Variants in SIRT4 observed in about 807,000 individuals in gnomAD.
The protein encoded by SIRT4 is sirtuin 4, also known as NAD-dependent protein lipoamidase sirtuin-4, mitochondrial.
A neutral mutation model predicts 26.1 loss-of-function variants in SIRT4; 23 were observed. The ratio of observed to expected loss-of-function variants is 0.88; its 90% confidence interval spans 0.63 to 1.25. SIRT4 has a LOEUF of 1.25. SIRT4 is among the 50% of genes most tolerant of loss of function. The pLI is 0.00. For synonymous variants in SIRT4, 155 were observed against 158.4 expected (o/e 0.98, Z 0.16); for missense variants, 361 against 405.4 (o/e 0.89, Z 0.94).
chr12:120,297,316 CAAAAAAAAAAAAAA>C (rs56259520), upstream of SIRT4, among the ~76,000 whole-genome samples: 2 of 67,658 alleles, frequency 3.0e-5, no homozygotes, highest in South Asian at 1.4e-3. Context: ...CGCCTGTAAT[CAAAAAAAAAAAAAA>C]AAAAAAAAAA....
chr12:120,306,157 TC>T (rs1872737462), intron 2 of SIRT4, among the ~76,000 whole-genome samples: 3 of 151,560 alleles, frequency 2.0e-5, no homozygotes, highest in Admixed American at 1.3e-4. Flanking sequence ...ACAGCCAGAC[TC>T]CGTCTCTACA....
the SIRT4 span, among the ~76,000 whole-genome samples, chr12:120,296,931 A>C: frequency 6.6e-6 from 1 of 152,036 alleles, no homozygotes; most frequent in Admixed American, 6.6e-5. Flanking sequence ...TGGAGTTGTG[A>C]GAAAAACACT....
chr12:120,306,865 T>C (rs893579009), intron 2 of SIRT4, among the ~76,000 whole-genome samples: 2 of 152,056 alleles, frequency 1.3e-5, no homozygotes, highest in African/African-American at 4.8e-5. Flanking sequence ...CTGAGGAAAA[T>C]ATGAGCTGAA....
intron 2 of SIRT4, among the ~76,000 whole-genome samples, chr12:120,304,835 A>T (rs1170896346): frequency 0.011 from 283 of 24,638 alleles, 1 homozygote; most frequent in Non-Finnish European, 0.021. Flanking sequence ...ATATATATAT[A>T]TTTTTTTTTT....
In SIRT4 at chr12:120,303,641, C is replaced by T. The variant is rs545864291; in HGVS notation, c.80C>T (p.Ala27Val). The T allele has an allele frequency of 6.2e-7, 1 of 1,614,110 alleles. No homozygotes were observed. The highest frequency in any genetic ancestry group is 2.2e-5 in the East Asian group (1 of 44,886). The change falls in exon 2 of 4, where the codon GCC becomes GTC. Residue 27 changes from alanine to valine, a missense_variant. Transcript: ENST00000202967. Reference protein sequence around the residue: ...IANPSQPCSKASIGLFVPASP... With the variant: ...IANPSQPCSKVSIGLFVPASP... ...AACCCCAGCCAGCCGTGCTCGAAAG[C>T]CTCCATTGGGTTATTTGTGCCAGCA...
chr12:120,292,488 C>A, the SIRT4 span, among the ~76,000 whole-genome samples: 1 of 152,180 alleles, frequency 6.6e-6, no homozygotes, highest in Non-Finnish European at 1.5e-5. Flanking sequence ...CCTGTAATCC[C>A]AGCTAGTCGG....
chr12:120,292,632 A>G, the SIRT4 span, among the ~76,000 whole-genome samples: 38 of 151,482 alleles, frequency 2.5e-4, no homozygotes, highest in Non-Finnish European at 5.0e-4. Flanking sequence ...AGAAAACAGG[A>G]CAGCCAGCTG....
At chr12:120,293,182 A>C in the SIRT4 span, 3 of 152,200 alleles carry the variant, frequency 2.0e-5, no homozygotes, top group Non-Finnish European at 4.4e-5. Context: ...TTCAATTAGC[A>C]ATAATCGCGC....
chr12:120,292,988 C>CA, the SIRT4 span: 1 of 152,132 alleles, frequency 6.6e-6, no homozygotes, highest in South Asian at 2.1e-4. Context: ...AGACACTTCC[C>CA]CATCTCTCAT....
At chr12:120,304,290 T>C (rs1006577331) in intron 2 of SIRT4, among the ~76,000 whole-genome samples, 2 of 152,206 alleles carry the variant, frequency 1.3e-5, no homozygotes, top group African/African-American at 4.8e-5. Context: ...CCTTGGGCAC[T>C]GGGGTTCAGT....
intron 2 of SIRT4, among the ~76,000 whole-genome samples, chr12:120,307,805 C>T (rs1006230381): frequency 3.3e-5 from 5 of 152,052 alleles, no homozygotes; most frequent in African/African-American, 1.2e-4. Flanking sequence ...TTGTAATGAG[C>T]TGAAATCGCA....
rs1421867301 is a variant in SIRT4, at chr12:120,303,979, T to C, written c.418T>C (p.Leu140=). Residue 140 remains leucine, a synonymous_variant, in exon 2 of 4, where the codon TTG becomes CTG. Transcript: ENST00000202967. ...TWEKLGKLYW[L]VTQNVDALHT... ...GGAGAAACTCGGAAAGCTGTACTGG[T>C]TGGTGACCCAAAATGTGGATGCTTT... 6.2e-7 allele frequency: 1 copy of C among 1,614,050 alleles called. No individual in the cohort carries two copies. Among genetic ancestry groups the C allele is most frequent in the South Asian group, 1.1e-5 (1 of 91,078 alleles).
chr12:120,296,529 T>C, the SIRT4 span, among the ~76,000 whole-genome samples: 1 of 116,368 alleles, frequency 8.6e-6, no homozygotes, highest in African/African-American at 3.1e-5. Context: ...TTTTTTTTTT[T>C]GAGACATGTT....
chr12:120,304,107 G>A, intron 2 of SIRT4, 49 bp downstream of exon 2: 6 of 1,580,890 alleles, frequency 3.8e-6, no homozygotes, highest in Non-Finnish European at 5.1e-6. Flanking sequence ...GTTGTTTTGG[G>A]AGAGTAGGGA....
intron 2 of SIRT4, among the ~76,000 whole-genome samples, chr12:120,311,735 CAAAAAAAAAAAAAA>C (rs10612543): frequency 1.8e-5 from 1 of 55,108 alleles, no homozygotes; most frequent in African/African-American, 8.3e-5. Context: ...AACTTGCTCT[CAAAAAAAAAAAAAA>C]AAAAAAAAAA....
the SIRT4 span, among the ~76,000 whole-genome samples, chr12:120,295,253 T>C: frequency 1.2e-3 from 173 of 149,524 alleles, 2 homozygotes; most frequent in East Asian, 0.027. Flanking sequence ...TCGCTCTTGT[T>C]GCGCAGTCTG....
the SIRT4 span, chr12:120,293,116 A>G: frequency 6.6e-6 from 1 of 152,148 alleles, no homozygotes; most frequent in Non-Finnish European, 1.5e-5. Context: ...AGACTGTCAA[A>G]AATTGCCAGT....
the SIRT4 span, among the ~76,000 whole-genome samples, chr12:120,297,238 ATACATAC>A: frequency 2.9e-5 from 4 of 137,210 alleles, no homozygotes; most frequent in African/African-American, 1.0e-4. Context: ...AAATAAATAC[ATACATAC>A]ATACATACAT....
intron 2 of SIRT4, among the ~76,000 whole-genome samples, chr12:120,310,080 C>T (rs1346155863): frequency 6.6e-6 from 1 of 151,874 alleles, no homozygotes; most frequent in Non-Finnish European, 1.5e-5. Context: ...GCAATGGTGC[C>T]ATCATAACTC....
Sources: gnomAD v4.1 joint callset for allele counts (sites outside exome capture counted in the v4.1 genomes callset) on GRCh38, gnomAD v4.1.1 for gene constraint, MANE v1.5 for transcripts, NCBI Gene and HGNC (gene_info 2026-07-23, HGNC 2026-07-21) for gene names.